Variants in ZDHHC11 observed in about 807,000 individuals in gnomAD.
ZDHHC11 encodes palmitoyltransferase ZDHHC11.
In ZDHHC11, 44 loss-of-function variants were observed where a neutral mutation model predicts 51.3. The ratio of observed to expected loss-of-function variants is 0.86; its 90% confidence interval spans 0.67 to 1.10. The LOEUF (loss-of-function observed/expected upper bound fraction) is 1.10. Among genes scored for constraint, ZDHHC11 ranks in the 50% least tolerant of loss-of-function variants. ZDHHC11 has a pLI of 0.00. For missense variants in ZDHHC11, 400 were observed against 537.7 expected (o/e 0.74, Z 2.53); for synonymous variants, 163 against 222.0 (o/e 0.73, Z 2.36).
chr5:823,834 C>T (rs1368185385), intron 8 of ZDHHC11: 1 of 344,338 alleles, frequency 2.9e-6, no homozygotes, highest in Non-Finnish European at 5.8e-6. Flanking sequence ...TCAACGTGGA[C>T]AAACACAGGC....
At chr5:820,257 G>A (rs952471045) in intron 9 of ZDHHC11, among the ~76,000 whole-genome samples, 7 of 90,760 alleles carry the variant, frequency 7.7e-5, no homozygotes, top group South Asian at 3.6e-4. Context: ...CAAGTGCTTC[G>A]GATCTACACA....
intron 8 of ZDHHC11, among the ~76,000 whole-genome samples, chr5:824,665 C>T (rs1742052276): frequency 6.6e-6 from 1 of 151,508 alleles, no homozygotes. Context: ...ACCACACCCC[C>T]CCACATATGT....
intron 11 of ZDHHC11, among the ~76,000 whole-genome samples, chr5:804,317 T>G (rs955956388): frequency 6.6e-6 from 1 of 151,300 alleles, no homozygotes; most frequent in Non-Finnish European, 1.5e-5. Flanking sequence ...TGCCCATTAA[T>G]GTACAGGAAA....
Position 850,768 on chromosome 5 carries a change from G to A in ZDHHC11, c.-166C>T. On this transcript the variant is annotated 5_prime_UTR_variant, in exon 1 of 13. Coordinates refer to ENST00000283441, the MANE Select transcript of ZDHHC11 (RefSeq NM_024786.3). ...CCACGTTCCCCGCAGAGGGAGCAGG[G>A]GCTGGGCTGGAGTCGGTGCAGGGCC... 4 of 846,876 alleles carry A rather than the reference G, an allele frequency of 4.7e-6. No individual in the cohort carries two copies. The highest frequency in any genetic ancestry group is 7.2e-6 in the Non-Finnish European group (4 of 557,560). 52.5% of individuals were successfully genotyped at this position (846,876 alleles called of 1,614,324 possible).
chr5:825,538 A>C (rs1436225293), intron 7 of ZDHHC11, among the ~76,000 whole-genome samples: 1 of 152,156 alleles, frequency 6.6e-6, no homozygotes, highest in Non-Finnish European at 1.5e-5. Context: ...CCAGTGCCTA[A>C]GACAGGTTCT....
intron 6 of ZDHHC11, among the ~76,000 whole-genome samples, chr5:836,503 T>C (rs185069386): frequency 6.7e-6 from 1 of 150,358 alleles, no homozygotes; most frequent in African/African-American, 2.4e-5. Flanking sequence ...GTGGCATTGC[T>C]GAATGAGTTG....
At chr5:850,188 C>T in intron 1 of ZDHHC11, 193 bp downstream of exon 1, 1 of 656,502 alleles carries the variant, frequency 1.5e-6, no homozygotes. Flanking sequence ...GCTGTCCTGT[C>T]CTGACCCTAA....
intron 11 of ZDHHC11, among the ~76,000 whole-genome samples, chr5:814,051 C>T (rs942163941): frequency 6.7e-6 from 1 of 148,698 alleles, no homozygotes; most frequent in African/African-American, 2.5e-5. Context: ...TTGTATAAAG[C>T]TGCTTTTTAA....
intron 11 of ZDHHC11, among the ~76,000 whole-genome samples, chr5:810,720 G>A (rs1402545798): frequency 6.6e-6 from 1 of 151,336 alleles, no homozygotes; most frequent in African/African-American, 2.4e-5. Context: ...AGGGTTAATG[G>A]TAACTTATCG....
intron 10 of ZDHHC11, among the ~76,000 whole-genome samples, chr5:818,487 G>A (rs1279394885): frequency 4.0e-5 from 6 of 151,676 alleles, no homozygotes; most frequent in Non-Finnish European, 5.9e-5. Context: ...AGTGTGGTGA[G>A]GCGGCCCTGC....
chr5:798,460 G>A (rs1306109539), intron 12 of ZDHHC11, among the ~76,000 whole-genome samples: 1 of 151,158 alleles, frequency 6.6e-6, no homozygotes, highest in African/African-American at 2.4e-5. Context: ...AGCATTGTCC[G>A]ATCCTTGTAA....
intron 11 of ZDHHC11, among the ~76,000 whole-genome samples, chr5:813,065 A>G (rs900501116): frequency 1.4e-5 from 2 of 144,674 alleles, no homozygotes; most frequent in African/African-American, 5.4e-5. Context: ...GGCCAGACAC[A>G]GTGACTCATG....
At chr5:851,784 G>A (rs1007664373), upstream of ZDHHC11, among the ~76,000 whole-genome samples, 1 of 152,258 alleles carries the variant, frequency 6.6e-6, no homozygotes, top group Middle Eastern at 3.4e-3. Flanking sequence ...GGCCGGGCGC[G>A]GGGGCTCACG....
chr5:854,402 AGTGAGCCGGGGG>A, upstream of ZDHHC11, among the ~76,000 whole-genome samples: 1 of 150,066 alleles, frequency 6.7e-6, no homozygotes, highest in Admixed American at 6.6e-5. Context: ...CACGGAGGAC[AGTGAGCCGGGGG>A]GCACAGACCC....
chr5:838,902 T>C (rs1744336860), intron 5 of ZDHHC11, among the ~76,000 whole-genome samples: 2 of 149,094 alleles, frequency 1.3e-5, no homozygotes, highest in South Asian at 2.1e-4. Flanking sequence ...GGGAAACATT[T>C]TGTACACAAA....
At chr5:846,630 T>A (rs1250498246) in intron 3 of ZDHHC11, among the ~76,000 whole-genome samples, 1 of 132,338 alleles carries the variant, frequency 7.6e-6, no homozygotes, top group African/African-American at 3.3e-5. Flanking sequence ...CCTCTCATCC[T>A]TGCGCCTCCA....
chr5:804,198 AATT>A (rs1294582615), intron 11 of ZDHHC11, among the ~76,000 whole-genome samples: 1 of 151,332 alleles, frequency 6.6e-6, no homozygotes, highest in Non-Finnish European at 1.5e-5. Context: ...ACAAGTTTTA[AATT>A]GTGTGTAGTT....
At chr5:859,587 T>C (rs1415803235), upstream of ZDHHC11, among the ~76,000 whole-genome samples, 1 of 152,178 alleles carries the variant, frequency 6.6e-6, no homozygotes, top group Non-Finnish European at 1.5e-5. Context: ...TTGGCCACCG[T>C]GGCTCTCACT....
intron 10 of ZDHHC11, among the ~76,000 whole-genome samples, chr5:815,749 C>T (rs905591732): frequency 6.6e-6 from 1 of 151,378 alleles, no homozygotes; most frequent in Non-Finnish European, 1.5e-5. Flanking sequence ...AATTCTCCCA[C>T]ATATTCACCA....
Sources: gnomAD v4.1 joint callset for allele counts (sites outside exome capture counted in the v4.1 genomes callset) on GRCh38, gnomAD v4.1.1 for gene constraint, MANE v1.5 for transcripts, NCBI Gene and HGNC (gene_info 2026-07-23, HGNC 2026-07-21) for gene names.